Variants in IMMP2L observed in about 807,000 individuals in gnomAD.
The protein encoded by IMMP2L is inner mitochondrial membrane peptidase subunit 2.
A neutral mutation model predicts 19.3 loss-of-function variants in IMMP2L; 18 were observed. That is an observed-to-expected ratio of 0.93 (90% CI 0.64 to 1.38). The LOEUF (loss-of-function observed/expected upper bound fraction) is 1.38, where lower values mean the gene tolerates loss of function less well. Ranked by LOEUF, IMMP2L falls within the 40% of genes most tolerant of loss-of-function variation. The probability of loss-of-function intolerance (pLI) is 0.00; values close to 1 mark genes in which losing one functional copy is unlikely to be tolerated. For missense variants in IMMP2L, 233 were observed against 218.2 expected (o/e 1.07, Z -0.43); for synonymous variants, 76 against 73.0 (o/e 1.04, Z -0.21).
intron 5 of IMMP2L, among the ~76,000 whole-genome samples, chr7:110,878,071 G>T (rs1809256582): frequency 6.6e-6 from 1 of 152,080 alleles, no homozygotes; most frequent in African/African-American, 2.4e-5. Context: ...GGAGGCCACA[G>T]ATTCTTGTAC....
intron 4 of IMMP2L, among the ~76,000 whole-genome samples, chr7:110,889,653 C>G (rs1810586996): frequency 6.6e-6 from 1 of 152,114 alleles, no homozygotes; most frequent in Non-Finnish European, 1.5e-5. Context: ...ACTCCTGCCC[C>G]AACTGGGCTG....
At chr7:111,012,130 T>A (rs1825029138) in intron 3 of IMMP2L, among the ~76,000 whole-genome samples, 1 of 152,242 alleles carries the variant, frequency 6.6e-6, no homozygotes, top group East Asian at 1.9e-4. Context: ...TGAAATGTAA[T>A]GCAGATCAAA....
intron 5 of IMMP2L, among the ~76,000 whole-genome samples, chr7:110,810,098 G>A (rs971012809): frequency 7.9e-5 from 12 of 151,970 alleles, no homozygotes; most frequent in Admixed American, 3.3e-4. Flanking sequence ...CTTCCATCTC[G>A]TTCCCAACTC....
intron 3 of IMMP2L, among the ~76,000 whole-genome samples, chr7:111,178,856 T>C (rs1446344531): frequency 1.3e-5 from 2 of 152,084 alleles, no homozygotes; most frequent in Non-Finnish European, 2.9e-5. Flanking sequence ...AAGTCATCCA[T>C]GAGCATTGGA....
intron 3 of IMMP2L, among the ~76,000 whole-genome samples, chr7:111,051,363 CT>C (rs1792991853): frequency 6.6e-6 from 1 of 152,156 alleles, no homozygotes; most frequent in Non-Finnish European, 1.5e-5. Context: ...CTTCAGGAAA[CT>C]ATCCTGAGCG....
intron 3 of IMMP2L, among the ~76,000 whole-genome samples, chr7:111,279,511 TA>T (rs1819465920): frequency 6.6e-6 from 1 of 152,148 alleles, no homozygotes; most frequent in Non-Finnish European, 1.5e-5. Flanking sequence ...CTATTTCTAC[TA>T]GCCAAAGGAT....
Position 110,803,719 on chromosome 7 carries a change from C to A in IMMP2L, c.408+82874G>T, listed in dbSNP as rs541890033. Among the ~76,000 whole-genome samples, 1 of 152,118 alleles carries A rather than the reference C, an allele frequency of 6.6e-6. No homozygotes were observed. Among genetic ancestry groups the A allele is most frequent in the East Asian group, 2.0e-4 (1 of 5,116 alleles). On this transcript the variant is annotated intron_variant, in intron 5 of 5. Coordinates refer to ENST00000405709, the MANE Select transcript of IMMP2L (RefSeq NM_032549.4). The surrounding 1 kb of genome is among the most constrained non-coding windows in gnomAD (Gnocchi z 4.2). ...AAGTCCTGATGGGCTGACAGGCTAT[C>A]CCCTGGGAGCACTCCCAGCAATTGG... is the stretch of plus-strand genomic sequence containing the variant.
At chr7:111,527,840 T>C (rs557299337) in intron 1 of IMMP2L, among the ~76,000 whole-genome samples, 1 of 152,214 alleles carries the variant, frequency 6.6e-6, no homozygotes, top group South Asian at 2.1e-4. Context: ...AAGGAGCATG[T>C]GGGAGATGTC....
At chr7:111,423,939 C>T (rs1185992067) in intron 3 of IMMP2L, among the ~76,000 whole-genome samples, 2 of 151,770 alleles carry the variant, frequency 1.3e-5, no homozygotes, top group Non-Finnish European at 2.9e-5. Context: ...ATACTAATGG[C>T]TACACTGAGC....
chr7:111,304,447 G>A (rs1822604327), intron 3 of IMMP2L, among the ~76,000 whole-genome samples: 1 of 151,856 alleles, frequency 6.6e-6, no homozygotes, highest in African/African-American at 2.4e-5. Flanking sequence ...GAATTGAGAA[G>A]AGTAAAAATT....
At chr7:111,195,043 T>C (rs1158194445) in intron 3 of IMMP2L, among the ~76,000 whole-genome samples, 1 of 152,120 alleles carries the variant, frequency 6.6e-6, no homozygotes, top group African/African-American at 2.4e-5. Flanking sequence ...ACTGTCACCA[T>C]TTAGTATATT....
intron 3 of IMMP2L, among the ~76,000 whole-genome samples, chr7:111,445,667 G>A (rs1435237026): frequency 1.3e-5 from 2 of 152,106 alleles, no homozygotes; most frequent in Admixed American, 1.3e-4. Flanking sequence ...CGGAGATTGG[G>A]AAATGGGATT....
At chr7:111,474,507 C>T (rs1010484622) in intron 3 of IMMP2L, among the ~76,000 whole-genome samples, 4 of 151,612 alleles carry the variant, frequency 2.6e-5, no homozygotes, top group South Asian at 2.1e-4. Flanking sequence ...GGCAGTTTTC[C>T]GCTTTTTTTT....
rs994500013 is a variant in IMMP2L at position 110,814,385 on chromosome 7, C to A, written c.408+72208G>T. On this transcript the variant is annotated intron_variant, in intron 5 of 5. Coordinates refer to ENST00000405709, the MANE Select transcript of IMMP2L (RefSeq NM_032549.4). The stretch of plus-strand genomic sequence containing the variant: ...GCTGAAGAGCATTGTTCTCTATTTA[C>A]TCCTAAGATGAAAATGTATATGACC... Among the ~76,000 whole-genome samples, 29 of 150,502 alleles carry A rather than the reference C, an allele frequency of 1.9e-4. No homozygotes were observed. In the Admixed American group the frequency reaches 1.9e-3, roughly 10 times the overall value.
chr7:110,913,215 A>G (rs576742877), intron 4 of IMMP2L, among the ~76,000 whole-genome samples: 1 of 152,290 alleles, frequency 6.6e-6, no homozygotes, highest in South Asian at 2.1e-4. Flanking sequence ...ACCACTGGGT[A>G]CTGGACAATA....
At chr7:111,306,700 T>C (rs1822916898) in intron 3 of IMMP2L, among the ~76,000 whole-genome samples, 1 of 150,692 alleles carries the variant, frequency 6.6e-6, no homozygotes, top group South Asian at 2.1e-4. Flanking sequence ...GAAGCTGTAA[T>C]GATGAGATCT....
intron 3 of IMMP2L, among the ~76,000 whole-genome samples, chr7:111,045,335 C>G (rs1381848548): frequency 6.6e-6 from 1 of 152,160 alleles, no homozygotes; most frequent in South Asian, 2.1e-4. Flanking sequence ...TTTCTAATGA[C>G]ACAACCCTAG....
chr7:111,327,465 T>C (rs1325203858), intron 3 of IMMP2L, among the ~76,000 whole-genome samples: 1 of 151,744 alleles, frequency 6.6e-6, no homozygotes, highest in African/African-American at 2.4e-5. Flanking sequence ...CATGTCTCTA[T>C]CATAGCTGTT....
intron 5 of IMMP2L, among the ~76,000 whole-genome samples, chr7:110,875,776 A>G (rs1196574489): frequency 6.6e-6 from 1 of 152,162 alleles, no homozygotes; most frequent in African/African-American, 2.4e-5. Context: ...GTAAAACTTC[A>G]GCCTAATGTA....
Sources: gnomAD v4.1 joint callset for allele counts (sites outside exome capture counted in the v4.1 genomes callset) on GRCh38, gnomAD v4.1.1 for gene constraint, Gnocchi (gnomAD v3.1) non-coding constraint, MANE v1.5 for transcripts, NCBI Gene and HGNC (gene_info 2026-07-23, HGNC 2026-07-21) for gene names.